The following WDR6 variants were observed in gnomAD, a reference collection of about 807,000 sequenced individuals.
The protein encoded by WDR6 is WD repeat domain 6, also known as tRNA (34-2'-O)-methyltransferase regulator WDR6.
WDR6 carries 58 observed loss-of-function variants against 85.6 expected under a neutral mutation model. That is an observed-to-expected ratio of 0.68 (90% CI 0.55 to 0.84). The LOEUF (loss-of-function observed/expected upper bound fraction) is 0.84, where lower values mean the gene tolerates loss of function less well. Ranked by LOEUF, WDR6 falls within the 40% of genes least tolerant of loss-of-function variation. The probability of loss-of-function intolerance (pLI) is 0.00; values close to 1 mark genes in which losing one functional copy is unlikely to be tolerated. For missense variants in WDR6, 1,310 were observed against 1,476.4 expected, an observed-to-expected ratio of 0.89 and a Z score of 1.85; for synonymous variants, 569 against 582.2, an observed-to-expected ratio of 0.98 and a Z score of 0.33.
rs1221932745 is a variant in WDR6, at chr3:49,013,106, G to A, written c.1572G>A (p.Leu524=). ...TGCTATTCCCCTCCAGACCAGGTCT[G>A]CTCAAGGACCCTGGGGTGGGAGGCA... The part of the protein sequence containing the change: ...SVLLFPSRPG[L]LKDPGVGGKA... The change falls in exon 2 of 6, where the codon CTG becomes CTA. Residue 524 remains leucine (L), a synonymous_variant. Coordinates refer to ENST00000608424, the MANE Select transcript of WDR6 (RefSeq NM_018031.6). The surrounding 1 kb of genome is among the most constrained non-coding windows in gnomAD (Gnocchi z 4.6). The A allele has an allele frequency of 6.2e-7, 1 of 1,609,072 alleles. No homozygotes were observed. Among genetic ancestry groups the A allele is most frequent in the Non-Finnish European group, 8.5e-7 (1 of 1,176,704 alleles).
rs1222082180 is a variant in WDR6 at position 49,014,245 on chromosome 3, C to T, written c.2618C>T (p.Pro873Leu). 1 of 1,614,118 alleles carries T rather than the reference C, an allele frequency of 6.2e-7. No homozygotes were observed. Among genetic ancestry groups the T allele is most frequent in the South Asian group, 1.1e-5 (1 of 91,088 alleles). ...MSLAVCELDQ[P>L]GLGPLVAAAC... is the part of the protein sequence containing the mutation. ...CTTGCTGTGTGTGAACTTGACCAGC[C>T]CGGCCTTGGCCCCCTTGTGGCTGCA... is the stretch of plus-strand genomic sequence containing the variant. The change falls in exon 3 of 6, where the codon CCC becomes CTC. Residue 873 changes from proline (P) to leucine (L), a missense_variant. By Grantham distance (98) the Pro-to-Leu change is moderately conservative. Coordinates refer to ENST00000608424, the MANE Select transcript of WDR6 (RefSeq NM_018031.6). This position sits in a 1 kb window ranked among gnomAD's most constrained non-coding sequence, Gnocchi z 4.9.
At position 49,015,176 on chromosome 3, in the gene WDR6, TG is replaced by T; in HGVS notation, c.3255del (p.Phe1086SerfsTer14). 1 of 1,613,960 alleles carries T rather than the reference TG, an allele frequency of 6.2e-7. No individual in the cohort carries two copies. Among genetic ancestry groups the T allele is most frequent in the Non-Finnish European group, 8.5e-7 (1 of 1,180,028 alleles). ...HGEPTFMNST[V>X]FHVPDVADMD... ...GAACCCACCTTCATGAATAGCACTG[TG>T]TTCCATGTGCCTGATGTGGCTGACA... On this transcript the variant is annotated frameshift_variant, in exon 6 of 6. Coordinates refer to ENST00000608424, the MANE Select transcript of WDR6 (RefSeq NM_018031.6). LOFTEE classifies it high-confidence loss of function.
At chr3:49,011,174 C>G in intron 1 of WDR6, 1 of 424,444 alleles carries the variant, frequency 2.4e-6, no homozygotes, top group South Asian at 1.7e-5. Flanking sequence ...AACCTCCACC[C>G]GCTGGGTTCA....
At chr3:49,009,483 C>T (rs561214506) in intron 1 of WDR6, among the ~76,000 whole-genome samples, 1 of 152,028 alleles carries the variant, frequency 6.6e-6, no homozygotes, top group Non-Finnish European at 1.5e-5. Context: ...AATCTTGCCT[C>T]GATTGACCTT....
At position 49,012,859 on chromosome 3, in the gene WDR6, G is replaced by T. The variant is rs749178990; in HGVS notation, c.1325G>T (p.Ser442Ile). 5 of 1,613,748 alleles carry T rather than the reference G, an allele frequency of 3.1e-6. No homozygotes were observed. The highest frequency in any genetic ancestry group is 3.4e-6 in the Non-Finnish European group (4 of 1,179,920). The change falls in exon 2 of 6, where the codon AGC becomes ATC. Residue 442 changes from serine (S) to isoleucine (I), a missense_variant. Physicochemically the swap from Ser to Ile is moderately radical, Grantham distance 142. Coordinates refer to ENST00000608424, the MANE Select transcript of WDR6 (RefSeq NM_018031.6). The surrounding 1 kb of genome is among the most constrained non-coding windows in gnomAD (Gnocchi z 4.4). ...TLFPGKVHSL[S>I]WALRGYEELL... ...TTTCCTGGGAAGGTGCACAGCTTGAGCTGGGCCCTGCGTGGTTATGAGGAG... is the reference window on the plus strand; with the variant it reads ...TTTCCTGGGAAGGTGCACAGCTTGATCTGGGCCCTGCGTGGTTATGAGGAG...
Position 49,015,854 on chromosome 3 carries a change from G to T in WDR6, c.*566G>T. ...TAGGAGCTGAAATCCATGCTGAGCT[G>T]TACCAGGAACTTGCATATCTAGAGA... On this transcript the variant is annotated 3_prime_UTR_variant, in exon 6 of 6. Coordinates refer to ENST00000608424, the MANE Select transcript of WDR6 (RefSeq NM_018031.6). 6.2e-7 allele frequency: 1 copy of T among 1,614,206 alleles called. No homozygotes were observed. Among genetic ancestry groups the T allele is most frequent in the East Asian group, 2.2e-5 (1 of 44,890 alleles).
Position 49,011,733 on chromosome 3 carries a change from G to A in WDR6, c.199G>A (p.Gly67Ser). 6.2e-7 allele frequency: 1 copy of A among 1,614,202 alleles called. No individual in the cohort carries two copies. Among genetic ancestry groups the A allele is most frequent in the Non-Finnish European group, 8.5e-7 (1 of 1,180,040 alleles). ...CCTGCTTGGCCACTATCTTATCCAT[G>A]GCTTCCGGGTACGGCCAGAGCCTAA... is the stretch of plus-strand genomic sequence containing the variant. Reference protein sequence around the residue: ...QNLLGHYLIHGFRVRPEPNGD... With the variant: ...QNLLGHYLIHSFRVRPEPNGD... Residue 67 changes from glycine (G) to serine (S), a missense_variant, in exon 2 of 6, where the codon GGC becomes AGC. Gly to Ser is a moderately conservative substitution (Grantham distance 56). Transcript: ENST00000608424.
rs749040850 is a variant in WDR6, at chr3:49,015,678, C to T, written c.*390C>T. On this transcript the variant is annotated 3_prime_UTR_variant, in exon 6 of 6. Transcript: ENST00000608424. ...CTCTCAGAAGCTGCAGGCGGACGAA[C>T]ATCTGACCAAAGAGGTGTGGTCGAG... The T allele has an allele frequency of 4.3e-6, 7 of 1,614,128 alleles. No individual in the cohort carries two copies. Among genetic ancestry groups the T allele is most frequent in the Non-Finnish European group, 5.9e-6 (7 of 1,180,026 alleles).
chr3:49,011,564 T>G (rs1180173201), intron 1 of WDR6, 71 bp from the exon 2 acceptor site: 1 of 1,612,062 alleles, frequency 6.2e-7, no homozygotes, highest in African/African-American at 1.3e-5. Flanking sequence ...GTTTCCCTGA[T>G]CCCCATCTCT....
In WDR6 at chr3:49,014,864, G is replaced by A. The variant is rs2093042907; in HGVS notation, c.2942G>A (p.Cys981Tyr). Reference protein sequence around the residue: ...TPSLTLQAHSCGINSLHTLPT... With the variant: ...TPSLTLQAHSYGINSLHTLPT... ...TCCCTGACTCTCCAGGCCCACAGCT[G>A]TGGTATCAACAGCCTGCACACCTTG... The change falls in exon 6 of 6, where the codon TGT (cysteine) becomes TAT (tyrosine). Residue 981 changes from cysteine (C) to tyrosine (Y), a missense_variant. Coordinates refer to ENST00000608424, the MANE Select transcript of WDR6 (RefSeq NM_018031.6). This position sits in a 1 kb window ranked among gnomAD's most constrained non-coding sequence, Gnocchi z 4.9. 2 of 1,610,932 alleles carry A rather than the reference G, an allele frequency of 1.2e-6. No individual in the cohort carries two copies. The highest frequency in any genetic ancestry group is 2.2e-5 in the East Asian group (1 of 44,792).
At position 49,014,127 on chromosome 3, in the gene WDR6, C is replaced by T; in HGVS notation, c.2582+11C>T. On this transcript the variant is annotated intron_variant, in intron 2 of 5. Transcript: ENST00000608424. This position sits in a 1 kb window ranked among gnomAD's most constrained non-coding sequence, Gnocchi z 4.9. ...AGACCCAGAGACCAGGTAATATATG[C>T]TCCTGGGCAGGGTGTGGTATGGGTC... 11 of 1,613,482 alleles carry T rather than the reference C, an allele frequency of 6.8e-6. No homozygotes were observed. The highest frequency in any genetic ancestry group is 9.3e-6 in the Non-Finnish European group (11 of 1,179,546).
chr3:49,014,865 T>C lies in WDR6; in HGVS notation c.2943T>C (p.Cys981=), dbSNP rs1208315208. 4 of 1,610,976 alleles carry C rather than the reference T, an allele frequency of 2.5e-6. No individual in the cohort carries two copies. The East Asian group carries it at 8.9e-5, about 36-fold the overall frequency. ...CCCTGACTCTCCAGGCCCACAGCTGTGGTATCAACAGCCTGCACACCTTGC... is the reference window on the plus strand; with the variant it reads ...CCCTGACTCTCCAGGCCCACAGCTGCGGTATCAACAGCCTGCACACCTTGC... The part of the protein sequence containing the change: ...TPSLTLQAHS[C]GINSLHTLPT... The change falls in exon 6 of 6, where the codon TGT becomes TGC. Residue 981 remains cysteine, a synonymous_variant. Transcript: ENST00000608424. This position sits in a 1 kb window ranked among gnomAD's most constrained non-coding sequence, Gnocchi z 4.9.
intron 1 of WDR6, chr3:49,008,493 T>A (rs1442455237): frequency 6.6e-6 from 1 of 152,130 alleles, no homozygotes; most frequent in East Asian, 1.9e-4. Context: ...CTAAGGCTCC[T>A]TGAGGGGGAA....
At position 49,011,735 on chromosome 3, in the gene WDR6, C is replaced by T. The variant is rs775882189; in HGVS notation, c.201C>T (p.Gly67=). ...QNLLGHYLIH[G]FRVRPEPNGD... ...TGCTTGGCCACTATCTTATCCATGGCTTCCGGGTACGGCCAGAGCCTAATG... is the reference window on the plus strand; with the variant it reads ...TGCTTGGCCACTATCTTATCCATGGTTTCCGGGTACGGCCAGAGCCTAATG... Residue 67 remains glycine (G), a synonymous_variant, in exon 2 of 6, where the codon GGC becomes GGT. Coordinates refer to ENST00000608424, the MANE Select transcript of WDR6 (RefSeq NM_018031.6). 2 of 1,614,212 alleles carry T rather than the reference C, an allele frequency of 1.2e-6. No homozygotes were observed. The highest frequency in any genetic ancestry group is 1.1e-5 in the South Asian group (1 of 91,086).
chr3:49,015,872 T>C lies in WDR6; in HGVS notation c.*584T>C. On this transcript the variant is annotated 3_prime_UTR_variant, in exon 6 of 6. Coordinates refer to ENST00000608424, the MANE Select transcript of WDR6 (RefSeq NM_018031.6). ...CTGAGCTGTACCAGGAACTTGCATA[T>C]CTAGAGACAGAGACTGAGTCACTGG... 6.2e-7 allele frequency: 1 copy of C among 1,614,178 alleles called. No homozygotes were observed. The highest frequency in any genetic ancestry group is 1.3e-5 in the African/African-American group (1 of 75,022).
rs977292338 is a variant in WDR6 at position 49,013,430 on chromosome 3, C to G, written c.1896C>G (p.Phe632Leu). The change falls in exon 2 of 6, where the codon TTC becomes TTG. Residue 632 changes from phenylalanine (F) to leucine (L), a missense_variant. Coordinates refer to ENST00000608424, the MANE Select transcript of WDR6 (RefSeq NM_018031.6). This position sits in a 1 kb window ranked among gnomAD's most constrained non-coding sequence, Gnocchi z 4.6. ...ATGGGAGCATGGTTATCCTGGGTTT[C>G]CATGCCAATGAGTTTGTGGTGTGGA... ...VPDGSMVILGFHANEFVVWNP... is the reference protein window; with the variant it reads ...VPDGSMVILGLHANEFVVWNP... The G allele has an allele frequency of 6.2e-7, 1 of 1,614,060 alleles. No homozygotes were observed. The highest frequency in any genetic ancestry group is 1.3e-5 in the African/African-American group (1 of 74,912).
At chr3:49,008,352 G>T in intron 1 of WDR6, 1 of 152,546 alleles carries the variant, frequency 6.6e-6, no homozygotes. Context: ...CCTGAGGCAG[G>T]GCCTTGGCGG....
In WDR6 at chr3:49,015,714, G is replaced by A. The variant is rs2093053944; in HGVS notation, c.*426G>A. ...AGAGGTGTGGTCGAGGCTCCTGAAAGAGAAAGGGCCTGCTGGTCTCATCCT... is the reference window on the plus strand; with the variant it reads ...AGAGGTGTGGTCGAGGCTCCTGAAAAAGAAAGGGCCTGCTGGTCTCATCCT... On this transcript the variant is annotated 3_prime_UTR_variant, in exon 6 of 6. Coordinates refer to ENST00000608424, the MANE Select transcript of WDR6 (RefSeq NM_018031.6). 6 of 1,614,084 alleles carry A rather than the reference G, an allele frequency of 3.7e-6. No homozygotes were observed. The highest frequency in any genetic ancestry group is 5.1e-6 in the Non-Finnish European group (6 of 1,180,016).
chr3:49,013,421 C>T lies in WDR6; in HGVS notation c.1887C>T (p.Ile629=), dbSNP rs2093029108. The T allele has an allele frequency of 6.2e-7, 1 of 1,614,178 alleles. No individual in the cohort carries two copies. Among genetic ancestry groups the T allele is most frequent in the Non-Finnish European group, 8.5e-7 (1 of 1,180,028 alleles). ...TAGTGCCCGATGGGAGCATGGTTATCCTGGGTTTCCATGCCAATGAGTTTG... is the reference window on the plus strand; with the variant it reads ...TAGTGCCCGATGGGAGCATGGTTATTCTGGGTTTCCATGCCAATGAGTTTG... The part of the protein sequence containing the change: ...LRIVPDGSMV[I]LGFHANEFVV... Residue 629 remains isoleucine (I), a synonymous_variant, in exon 2 of 6, where the codon ATC becomes ATT. Coordinates refer to ENST00000608424, the MANE Select transcript of WDR6 (RefSeq NM_018031.6). The surrounding 1 kb of genome is among the most constrained non-coding windows in gnomAD (Gnocchi z 4.6).
Sources: allele counts gnomAD v4.1 joint callset (sites outside exome capture counted in the v4.1 genomes callset), GRCh38; gene constraint gnomAD v4.1.1; non-coding constraint Gnocchi (gnomAD v3.1); transcripts MANE v1.5; gene names NCBI Gene and HGNC (gene_info 2026-07-23, HGNC 2026-07-21).